Variants in SNX14 observed in about 807,000 individuals in gnomAD.
SNX14 encodes the protein sorting nexin 14, also known as sorting nexin-14.
In SNX14, 93 loss-of-function variants were observed where a neutral mutation model predicts 133.8. The observed-to-expected ratio is 0.70, with a 90% CI of 0.59 to 0.83. The LOEUF is 0.83. SNX14 is among the 40% of genes least tolerant of loss of function. SNX14 has a pLI of 0.00. For missense variants in SNX14, 945 were observed against 1,094.9 expected (o/e 0.86, Z 1.93); for synonymous variants, 368 against 365.6 (o/e 1.01, Z -0.07).
At chr6:85,571,406 A>AT (rs1177776065) in intron 4 of SNX14, among the ~76,000 whole-genome samples, 1 of 152,064 alleles carries the variant, frequency 6.6e-6, no homozygotes, top group Non-Finnish European at 1.5e-5. Context: ...AAAAATGCCA[A>AT]ATTTTAATGG....
At chr6:85,525,383 C>T (rs1562228877) in intron 21 of SNX14, among the ~76,000 whole-genome samples, 2 of 152,074 alleles carry the variant, frequency 1.3e-5, no homozygotes, top group Non-Finnish European at 2.9e-5. Context: ...GATCAAGAAA[C>T]TAAATTATTT....
intron 1 of SNX14, among the ~76,000 whole-genome samples, chr6:85,584,027 C>A (rs1282526452): frequency 6.6e-6 from 1 of 152,206 alleles, no homozygotes; most frequent in Non-Finnish European, 1.5e-5. Flanking sequence ...ACCAAAACAG[C>A]AAGGTACTGG....
chr6:85,532,797 C>T (rs974762443), intron 18 of SNX14, among the ~76,000 whole-genome samples: 2 of 152,110 alleles, frequency 1.3e-5, no homozygotes, highest in African/African-American at 4.8e-5. Flanking sequence ...CTGTTAAACC[C>T]GGTCTCTATT....
At chr6:85,546,162 G>T (rs1277682556) in intron 12 of SNX14, among the ~76,000 whole-genome samples, 1 of 152,228 alleles carries the variant, frequency 6.6e-6, no homozygotes, top group African/African-American at 2.4e-5. Context: ...AGGAGTAGGG[G>T]AAAGAGTGGA....
At chr6:85,583,421 G>C (rs1417687203) in intron 1 of SNX14, among the ~76,000 whole-genome samples, 1 of 152,166 alleles carries the variant, frequency 6.6e-6, no homozygotes, top group African/African-American at 2.4e-5. Context: ...GCAAAAGAAA[G>C]AAATAAAGCG....
rs1040279020 is a variant in SNX14 at position 85,543,235 on chromosome 6, C to T, written c.1336G>A (p.Val446Ile). 8 of 1,603,256 alleles carry T rather than the reference C, an allele frequency of 5.0e-6. No homozygotes were observed. The highest frequency in any genetic ancestry group is 6.8e-6 in the Non-Finnish European group (8 of 1,175,680). Residue 446 changes from valine (V) to isoleucine (I), a missense_variant, in exon 14 of 29, where the codon GTT becomes ATT. Coordinates refer to ENST00000314673, the MANE Select transcript of SNX14 (RefSeq NM_153816.6). ...AATACATTCTCCAAAAGGGAAAGAA[C>T]ATGTTCATATGCTTCAAAAAGACAT... ...MRCLFEAYEH[V>I]LSLLENVFTP... is the part of the protein sequence containing the mutation.
intron 7 of SNX14, among the ~76,000 whole-genome samples, chr6:85,551,254 G>GT (rs1444915590): frequency 6.6e-6 from 1 of 152,192 alleles, no homozygotes; most frequent in Non-Finnish European, 1.5e-5. Flanking sequence ...TATACTCTGT[G>GT]TTCTCAGAAA....
At chr6:85,555,914 G>A (rs1789586998) in intron 7 of SNX14, among the ~76,000 whole-genome samples, 1 of 151,994 alleles carries the variant, frequency 6.6e-6, no homozygotes. Context: ...CTTGAACCTG[G>A]GAAGTGGAGG....
intron 7 of SNX14, among the ~76,000 whole-genome samples, chr6:85,554,136 A>C (rs1001249428): frequency 2.3e-4 from 35 of 152,122 alleles, no homozygotes; most frequent in Non-Finnish European, 5.0e-4. Context: ...ACACAAAAGG[A>C]AAGGTCCACA....
chr6:85,554,174 G>A (rs1742230528), intron 7 of SNX14, among the ~76,000 whole-genome samples: 1 of 151,762 alleles, frequency 6.6e-6, no homozygotes, highest in African/African-American at 2.4e-5. Flanking sequence ...ATATCTTCAG[G>A]TTGAAAGTCT....
At chr6:85,561,808 T>G (rs7742792) in intron 6 of SNX14, among the ~76,000 whole-genome samples, 14,359 of 151,930 alleles carry the variant, frequency 0.095, 1,152 homozygotes, top group East Asian at 0.22. Flanking sequence ...GCCTGTTCAT[T>G]TGCCTGTTTC....
In SNX14 at chr6:85,507,217, A is replaced by G; in HGVS notation, c.2802+16T>C. ...CATTAAGAAAATCATGAATAAAATT[A>G]CTGCTTTTCAGTTACCTTATTGAGC... On this transcript the variant is annotated intron_variant, in intron 28 of 28. Coordinates refer to ENST00000314673, the MANE Select transcript of SNX14 (RefSeq NM_153816.6). The G allele has an allele frequency of 1.9e-6, 3 of 1,598,930 alleles. No homozygotes were observed. The highest frequency in any genetic ancestry group is 2.6e-6 in the Non-Finnish European group (3 of 1,169,400).
At position 85,521,059 on chromosome 6, in the gene SNX14, C is replaced by T. The variant is rs1776696479; in HGVS notation, c.2108-3011G>A. On this transcript the variant is annotated intron_variant, in intron 21 of 28. Coordinates refer to ENST00000314673, the MANE Select transcript of SNX14 (RefSeq NM_153816.6). Reference sequence around the variant, plus strand: ...GTCCTACTAACAGTGTGTAAGAGTTCCTGTTCCTTTACATCTGCACCAATA... The same window carrying T: ...GTCCTACTAACAGTGTGTAAGAGTTTCTGTTCCTTTACATCTGCACCAATA... 2.6e-5 allele frequency among the ~76,000 whole-genome samples: 4 copies of T among 152,294 alleles called. No individual in the cohort carries two copies. In the South Asian group the frequency reaches 8.3e-4, roughly 32 times the overall value.
chr6:85,591,742 G>A (rs1350818339), intron 1 of SNX14, among the ~76,000 whole-genome samples: 2 of 152,210 alleles, frequency 1.3e-5, no homozygotes, highest in Non-Finnish European at 2.9e-5. Flanking sequence ...GCGTGCAGTC[G>A]CTCACGCCTG....
chr6:85,571,185 C>T (rs943649208), intron 4 of SNX14, among the ~76,000 whole-genome samples: 1 of 151,754 alleles, frequency 6.6e-6, no homozygotes, highest in Non-Finnish European at 1.5e-5. Flanking sequence ...AACCCCGTCT[C>T]TACTAAAATG....
chr6:85,561,334 T>G (rs1411526722), intron 6 of SNX14: 1 of 148,862 alleles, frequency 6.7e-6, no homozygotes, highest in Non-Finnish European at 1.5e-5. Context: ...GGCAATAAAG[T>G]GAAACCCTGT....
intron 6 of SNX14, among the ~76,000 whole-genome samples, chr6:85,563,809 A>C (rs1447945688): frequency 6.6e-6 from 1 of 152,158 alleles, no homozygotes; most frequent in Non-Finnish European, 1.5e-5. Context: ...TCTAGGGTAC[A>C]TGTGCACAAT....
intron 18 of SNX14, 93 bp downstream of exon 18, chr6:85,533,506 G>A (rs1431840705): frequency 8.6e-7 from 1 of 1,166,670 alleles, no homozygotes. Flanking sequence ...AGCCATATTT[G>A]TTAGTTAGAA....
chr6:85,571,761 C>A (rs1339366455), intron 4 of SNX14, among the ~76,000 whole-genome samples: 3 of 152,194 alleles, frequency 2.0e-5, no homozygotes, highest in Non-Finnish European at 4.4e-5. Flanking sequence ...CTCTACCCTT[C>A]AGTTAGTGTC....
Sources: allele counts gnomAD v4.1 joint callset (sites outside exome capture counted in the v4.1 genomes callset), GRCh38; gene constraint gnomAD v4.1.1; transcripts MANE v1.5; gene names NCBI Gene and HGNC (gene_info 2026-07-23, HGNC 2026-07-21).